The following SLIT2 variants were observed in gnomAD, a reference collection of about 807,000 sequenced individuals.
SLIT2 encodes slit guidance ligand 2, also known as slit homolog 2 protein.
In SLIT2, 41 loss-of-function variants were observed where a neutral mutation model predicts 185.7. The observed-to-expected ratio is 0.22, with a 90% CI of 0.17 to 0.29. The LOEUF (loss-of-function observed/expected upper bound fraction) is 0.29, where lower values mean the gene tolerates loss of function less well. Ranked by LOEUF, SLIT2 falls within the 10% of genes least tolerant of loss-of-function variation. The pLI, the probability that SLIT2 is intolerant of heterozygous loss-of-function variation, is 1.00. For missense variants in SLIT2, 1,571 were observed against 1,909.0 expected (o/e 0.82, Z 3.30); for synonymous variants, 693 against 680.2 (o/e 1.02, Z -0.29).
At chr4:20,269,056 T>C (rs1461797487) in intron 4 of SLIT2, among the ~76,000 whole-genome samples, 175 bp downstream of exon 4, 1 of 151,918 alleles carries the variant, frequency 6.6e-6, no homozygotes, top group African/African-American at 2.4e-5. Flanking sequence ...TGGTTCCAGT[T>C]GTTTTATTTG....
intron 5 of SLIT2, among the ~76,000 whole-genome samples, chr4:20,469,356 T>C (rs1714706194): frequency 6.6e-6 from 1 of 152,162 alleles, no homozygotes; most frequent in Admixed American, 6.5e-5. Context: ...AGTTAAGATA[T>C]TCAGGGAATC....
At chr4:20,472,335 G>GAGATATAGATATCTATATAGAT (rs1715280736) in intron 5 of SLIT2, among the ~76,000 whole-genome samples, 1 of 13,780 alleles carries the variant, frequency 7.3e-5, no homozygotes, top group Non-Finnish European at 1.3e-4. Context: ...TCTATATATA[G>GAGATATAGATATCTATATAGAT]ATCTATATAT....
chr4:20,362,226 A>G (rs1452709485), intron 4 of SLIT2, among the ~76,000 whole-genome samples: 1 of 152,136 alleles, frequency 6.6e-6, no homozygotes, highest in African/African-American at 2.4e-5. Context: ...GTTATCAAGG[A>G]TGGTTCTGTC....
intron 4 of SLIT2, among the ~76,000 whole-genome samples, chr4:20,429,466 A>G (rs142505855): frequency 6.6e-6 from 1 of 152,284 alleles, no homozygotes; most frequent in East Asian, 1.9e-4. Flanking sequence ...TGAAGCAACA[A>G]GTTTTCTGTC....
chr4:20,612,311 CAAA>C (rs770199955), intron 34 of SLIT2, among the ~76,000 whole-genome samples: 1 of 126,102 alleles, frequency 7.9e-6, no homozygotes, highest in African/African-American at 2.9e-5. Flanking sequence ...CGCCCCCCGC[CAAA>C]AAAAAAAAAG....
chr4:20,351,807 C>T (rs887750530), intron 4 of SLIT2, among the ~76,000 whole-genome samples: 1 of 152,174 alleles, frequency 6.6e-6, no homozygotes, highest in Non-Finnish European at 1.5e-5. Flanking sequence ...AAGTCTCCTG[C>T]TTAAGCAACT....
chr4:20,438,946 C>A lies in SLIT2; in HGVS notation c.396-28806C>A, dbSNP rs543904393. Among the ~76,000 whole-genome samples the A allele has an allele frequency of 5.9e-5, 9 of 152,238 alleles. No homozygotes were observed. In the East Asian group the frequency reaches 1.5e-3, roughly 26 times the overall value. On this transcript the variant is annotated intron_variant, in intron 4 of 36. Coordinates refer to ENST00000504154, the MANE Select transcript of SLIT2 (RefSeq NM_004787.4). ...TATTCACCTTCCCTGTGTTTCTCTC[C>A]ATAGTTTCTTATTGTCTGACATACT...
chr4:20,414,724 G>A (rs1727521969), intron 4 of SLIT2, among the ~76,000 whole-genome samples: 2 of 152,142 alleles, frequency 1.3e-5, no homozygotes, highest in Non-Finnish European at 1.5e-5. Flanking sequence ...GGTTTCGGAT[G>A]AGAAGTAAAC....
At chr4:20,578,506 T>C (rs1726254151) in intron 29 of SLIT2, among the ~76,000 whole-genome samples, 1 of 152,192 alleles carries the variant, frequency 6.6e-6, no homozygotes, top group South Asian at 2.1e-4. Context: ...TAATTATTTC[T>C]TATAAAAAAC....
intron 29 of SLIT2, among the ~76,000 whole-genome samples, chr4:20,570,153 T>G (rs1725445500): frequency 6.6e-6 from 1 of 152,054 alleles, no homozygotes; most frequent in Non-Finnish European, 1.5e-5. Context: ...TTTTATTTTT[T>G]TGGCACCAAT....
chr4:20,307,475 A>T (rs1717692645), intron 4 of SLIT2, among the ~76,000 whole-genome samples: 1 of 151,912 alleles, frequency 6.6e-6, no homozygotes, highest in Non-Finnish European at 1.5e-5. Context: ...TTTGCAGTCC[A>T]GGCTTGTCTC....
intron 26 of SLIT2, chr4:20,554,253 C>CT (rs1302872621): frequency 5.0e-5 from 26 of 520,434 alleles, no homozygotes; most frequent in Non-Finnish European, 9.2e-5. Context: ...TTCATAGCCT[C>CT]TAACAAGTCA....
chr4:20,589,620 C>G lies in SLIT2; in HGVS notation c.3089-24C>G, dbSNP rs1560219481. 1.9e-6 allele frequency: 3 copies of G among 1,590,004 alleles called. No homozygotes were observed. The East Asian group carries it at 6.7e-5, about 36-fold the overall frequency. On this transcript the variant is annotated intron_variant, in intron 29 of 36. Transcript: ENST00000504154. ...AAGCCTGTTGACCTTTTTCTATGAG[C>G]TAACACTGTTTGCCCTGTTGCAGGT...
intron 4 of SLIT2, among the ~76,000 whole-genome samples, chr4:20,333,507 A>G (rs1421437085): frequency 6.6e-6 from 1 of 152,014 alleles, no homozygotes; most frequent in Non-Finnish European, 1.5e-5. Context: ...GTACTCTGCA[A>G]TTTGCTTTGC....
chr4:20,416,456 C>T (rs1200158184), intron 4 of SLIT2, among the ~76,000 whole-genome samples: 1 of 152,050 alleles, frequency 6.6e-6, no homozygotes, highest in African/African-American at 2.4e-5. Flanking sequence ...AATACATTTA[C>T]GCTGGAGGTG....
chr4:20,521,233 C>T (rs761764678), intron 12 of SLIT2, among the ~76,000 whole-genome samples: 1 of 152,178 alleles, frequency 6.6e-6, no homozygotes. Flanking sequence ...AACCTTACTT[C>T]TAAAGCCATC....
At chr4:20,452,914 C>A (rs1712638612) in intron 4 of SLIT2, among the ~76,000 whole-genome samples, 1 of 152,172 alleles carries the variant, frequency 6.6e-6, no homozygotes, top group African/African-American at 2.4e-5. Flanking sequence ...TGAGGGCCCA[C>A]CCAGGGTAGC....
intron 4 of SLIT2, among the ~76,000 whole-genome samples, chr4:20,283,134 A>ACACT (rs1714951435): frequency 6.6e-6 from 1 of 152,122 alleles, no homozygotes; most frequent in Non-Finnish European, 1.5e-5. Context: ...ACACACACAC[A>ACACT]CACACACACA....
rs1291958499 is a variant in SLIT2 at position 20,523,887 on chromosome 4, C to T, written c.1258C>T (p.Arg420Trp). The T allele has an allele frequency of 6.8e-6, 11 of 1,613,934 alleles. No individual in the cohort carries two copies. Among genetic ancestry groups the T allele is most frequent in the African/African-American group, 4.0e-5 (3 of 74,890 alleles). ...CGCCAAGGGGACCTTTTCACCTCTT[C>T]GGGCCATTCAAACTATGTATGTATA... ...TIAKGTFSPL[R>W]AIQTMHLAQN... The change falls in exon 13 of 37, where the codon CGG (arginine) becomes TGG (tryptophan). Residue 420 changes from arginine to tryptophan, a missense_variant. Transcript: ENST00000504154.
Sources: allele counts gnomAD v4.1 joint callset (sites outside exome capture counted in the v4.1 genomes callset), GRCh38; gene constraint gnomAD v4.1.1; transcripts MANE v1.5; gene names NCBI Gene and HGNC (gene_info 2026-07-23, HGNC 2026-07-21).